The following PLPP1 variants were observed in gnomAD, a reference collection of about 807,000 sequenced individuals.
The protein encoded by PLPP1 is lipid phosphate phosphohydrolase 1a.
A neutral mutation model predicts 31.2 loss-of-function variants in PLPP1; 24 were observed. That is an observed-to-expected ratio of 0.77 (90% CI 0.56 to 1.08). The LOEUF (loss-of-function observed/expected upper bound fraction) is 1.08, where lower values mean the gene tolerates loss of function less well. Among genes scored for constraint, PLPP1 ranks in the 50% least tolerant of loss-of-function variants. The probability of loss-of-function intolerance (pLI) is 0.00; values close to 1 mark genes in which losing one functional copy is unlikely to be tolerated. For synonymous variants in PLPP1, 146 were observed against 126.3 expected, an observed-to-expected ratio of 1.16 and a Z score of -1.05; for missense variants, 319 against 342.7, an observed-to-expected ratio of 0.93 and a Z score of 0.55.
chr5:55,426,146 G>C, intron 4 of PLPP1, 107 bp from the exon 5 acceptor site: 1 of 1,009,362 alleles, frequency 9.9e-7, no homozygotes, highest in Non-Finnish European at 1.4e-6. Context: ...TTATTATATA[G>C]GGAACAGGAC....
At chr5:55,441,368 C>T (rs1216078253) in intron 4 of PLPP1, among the ~76,000 whole-genome samples, 2 of 152,184 alleles carry the variant, frequency 1.3e-5, no homozygotes, top group Non-Finnish European at 2.9e-5. Flanking sequence ...CAGTTGAAAC[C>T]TTTCTGGTCC....
chr5:55,449,152 A>T (rs1751838343), intron 3 of PLPP1, among the ~76,000 whole-genome samples: 2 of 152,240 alleles, frequency 1.3e-5, no homozygotes. Context: ...TGTGTCTCCA[A>T]GACATATTTT....
At chr5:55,450,871 C>T (rs1330846084) in intron 3 of PLPP1, among the ~76,000 whole-genome samples, 1 of 152,164 alleles carries the variant, frequency 6.6e-6, no homozygotes, top group Non-Finnish European at 1.5e-5. Flanking sequence ...AGAAGACTCC[C>T]TTGCTAAAAG....
chr5:55,498,210 T>A (rs577577032), intron 1 of PLPP1, among the ~76,000 whole-genome samples: 21 of 152,152 alleles, frequency 1.4e-4, no homozygotes, highest in African/African-American at 4.6e-4. Context: ...ATCTGTGTGC[T>A]AATGGAGGGG....
intron 3 of PLPP1, among the ~76,000 whole-genome samples, chr5:55,457,173 A>C (rs1364258561): frequency 6.6e-6 from 1 of 152,074 alleles, no homozygotes; most frequent in Non-Finnish European, 1.5e-5. Flanking sequence ...CCAAAAAAAA[A>C]AAAAAAGCTA....
At chr5:55,485,857 A>T (rs1418886818) in intron 1 of PLPP1, among the ~76,000 whole-genome samples, 1 of 152,194 alleles carries the variant, frequency 6.6e-6, no homozygotes, top group Non-Finnish European at 1.5e-5. Flanking sequence ...ATCATAAAAC[A>T]GTCCCCTACA....
intron 4 of PLPP1, among the ~76,000 whole-genome samples, chr5:55,434,896 CA>C (rs1207990597): frequency 6.6e-6 from 1 of 152,020 alleles, no homozygotes. Flanking sequence ...TAAAAATAGA[CA>C]AATGGGATTA....
chr5:55,433,097 T>C (rs1751399631), intron 4 of PLPP1, among the ~76,000 whole-genome samples: 1 of 146,942 alleles, frequency 6.8e-6, no homozygotes, highest in Non-Finnish European at 1.5e-5. Context: ...TCGCCTGAGG[T>C]CAGGAGTTCA....
chr5:55,473,997 G>GTTTTTGTTTT (rs1554039230), intron 2 of PLPP1, among the ~76,000 whole-genome samples: 76 of 28,080 alleles, frequency 2.7e-3, no homozygotes, highest in African/African-American at 6.7e-3. Flanking sequence ...TTTGTTTGTT[G>GTTTTTGTTTT]TTTTTTTTTT....
intron 4 of PLPP1, among the ~76,000 whole-genome samples, chr5:55,433,385 C>T (rs1245958255): frequency 1.4e-5 from 2 of 142,692 alleles, no homozygotes; most frequent in Non-Finnish European, 1.5e-5. Flanking sequence ...TCAAACTGTC[C>T]GTCTTCGCAG....
At chr5:55,472,437 C>G (rs1170048087) in intron 2 of PLPP1, among the ~76,000 whole-genome samples, 1 of 151,858 alleles carries the variant, frequency 6.6e-6, no homozygotes, top group African/African-American at 2.4e-5. Context: ...CCCATCTTTA[C>G]TAAAAATACA....
At chr5:55,525,594 C>T (rs1740400729) in intron 1 of PLPP1, among the ~76,000 whole-genome samples, 2 of 152,194 alleles carry the variant, frequency 1.3e-5, no homozygotes, top group Admixed American at 1.3e-4. Context: ...CCTCAGTCCC[C>T]CAAAGTGCTG....
chr5:55,533,543 G>T (rs1740758954), intron 1 of PLPP1, among the ~76,000 whole-genome samples: 1 of 152,140 alleles, frequency 6.6e-6, no homozygotes, highest in Non-Finnish European at 1.5e-5. Context: ...AAAACCGAGG[G>T]AATCTCCTGT....
chr5:55,478,432 G>A (rs945422857), intron 1 of PLPP1, among the ~76,000 whole-genome samples: 2 of 152,136 alleles, frequency 1.3e-5, no homozygotes, highest in African/African-American at 2.4e-5. Flanking sequence ...CTGAATGTTC[G>A]AAAGAAAAGG....
intron 1 of PLPP1, among the ~76,000 whole-genome samples, chr5:55,483,042 T>C (rs1050388715): frequency 1.3e-5 from 2 of 152,182 alleles, no homozygotes; most frequent in African/African-American, 2.4e-5. Context: ...TCAAATGTGG[T>C]ATTCCACAAC....
At chr5:55,490,144 CTTTT>C (rs896241457) in intron 1 of PLPP1, among the ~76,000 whole-genome samples, 1 of 83,394 alleles carries the variant, frequency 1.2e-5, no homozygotes, top group Non-Finnish European at 2.4e-5. Flanking sequence ...CTTTTCTTTT[CTTTT>C]TTTTTTTTTT....
chr5:55,426,572 GTTT>G (rs10573958), intron 4 of PLPP1, among the ~76,000 whole-genome samples: 125,008 of 148,422 alleles, frequency 0.84, 52,836 homozygotes, highest in South Asian at 0.91. Flanking sequence ...CAGCTAATTG[GTTT>G]TTTTTTTTTT....
chr5:55,533,809 C>T (rs1740771373), intron 1 of PLPP1, among the ~76,000 whole-genome samples: 1 of 152,194 alleles, frequency 6.6e-6, no homozygotes, highest in Non-Finnish European at 1.5e-5. Flanking sequence ...GATTCCAGTT[C>T]TTTCTCTTCA....
At chr5:55,435,962 C>G (rs1297554533) in intron 4 of PLPP1, among the ~76,000 whole-genome samples, 2 of 148,726 alleles carry the variant, frequency 1.3e-5, no homozygotes, top group Admixed American at 1.4e-4. Flanking sequence ...TGCAGTGAGC[C>G]GTGATCACAC....
Sources: allele counts gnomAD v4.1 joint callset (sites outside exome capture counted in the v4.1 genomes callset), GRCh38; gene constraint gnomAD v4.1.1; transcripts MANE v1.5; gene names NCBI Gene and HGNC (gene_info 2026-07-23, HGNC 2026-07-21).